The following SHC4 variants were observed in gnomAD, a reference collection of about 807,000 sequenced individuals.
The protein encoded by SHC4 is SHC-transforming protein 4.
In SHC4, 41 loss-of-function variants were observed where a neutral mutation model predicts 69.4. The ratio of observed to expected loss-of-function variants is 0.59; its 90% CI spans 0.46 to 0.77. The LOEUF is 0.77. SHC4 is among the 30% of genes least tolerant of loss of function. The pLI is 0.00. For synonymous variants in SHC4, 318 were observed against 299.3 expected, an observed-to-expected ratio of 1.06 and a Z score of -0.64; for missense variants, 777 against 783.8, an observed-to-expected ratio of 0.99 and a Z score of 0.10.
chr15:48,951,143 A>C lies in SHC4; in HGVS notation c.585+11288T>G, dbSNP rs1901358705. On this transcript the variant is annotated intron_variant, in intron 1 of 11. Transcript: ENST00000332408. ...ATAACAACAAAAATAATTTCTCCCC[A>C]GTCCTAACTATTCTATTTTTTGCTG... 3.3e-5 allele frequency among the ~76,000 whole-genome samples: 5 copies of C among 152,044 alleles called. No individual in the cohort carries two copies. In the South Asian group the frequency reaches 1.0e-3, roughly 32 times the overall value.
At chr15:48,919,295 ATTTTT>A (rs386382928) in intron 2 of SHC4, among the ~76,000 whole-genome samples, 2 of 71,246 alleles carry the variant, frequency 2.8e-5, no homozygotes, top group South Asian at 6.6e-4. Context: ...ATTTATTTTA[ATTTTT>A]TTTTTTTTTT....
intron 1 of SHC4, among the ~76,000 whole-genome samples, chr15:48,949,327 T>G (rs1341828374): frequency 6.8e-6 from 1 of 147,776 alleles, no homozygotes; most frequent in African/African-American, 2.5e-5. Flanking sequence ...GCCTAGATCA[T>G]GCCACTGCAC....
intron 1 of SHC4, among the ~76,000 whole-genome samples, chr15:48,926,835 G>T (rs1472077287): frequency 6.6e-6 from 1 of 152,178 alleles, no homozygotes; most frequent in Non-Finnish European, 1.5e-5. Flanking sequence ...GGAGCCTGGT[G>T]CTGGGAAGAG....
intron 2 of SHC4, among the ~76,000 whole-genome samples, chr15:48,919,927 C>A (rs1316275772): frequency 6.6e-6 from 1 of 151,616 alleles, no homozygotes; most frequent in Non-Finnish European, 1.5e-5. Flanking sequence ...TAACTGAATC[C>A]TCAAAGGAGA....
chr15:48,962,722 C>G lies in SHC4; in HGVS notation c.294G>C (p.Pro98=). 6.2e-7 allele frequency: 1 copy of G among 1,613,760 alleles called. No individual in the cohort carries two copies. The highest frequency in any genetic ancestry group is 8.5e-7 in the Non-Finnish European group (1 of 1,179,988). The change falls in exon 1 of 12, where the codon CCG becomes CCC. Residue 98 remains proline, a synonymous_variant. Coordinates refer to ENST00000332408, the MANE Select transcript of SHC4 (RefSeq NM_203349.4). ...AGTTTTTCAGACTCAGCAAAGTGGCCGGGTTGGCCAGCTTCATGCTTGCCA... is the reference window on the plus strand; with the variant it reads ...AGTTTTTCAGACTCAGCAAAGTGGCGGGGTTGGCCAGCTTCATGCTTGCCA... ...PRMASMKLAN[P]ATLLSLKNFC... is the part of the protein sequence containing the mutation.
chr15:48,923,563 A>G (rs898983386), intron 2 of SHC4, among the ~76,000 whole-genome samples: 2 of 150,460 alleles, frequency 1.3e-5, no homozygotes, highest in Admixed American at 1.3e-4. Context: ...AAAAAAAACA[A>G]AAAAGAAAAA....
chr15:48,911,963 C>A (rs1900516229), intron 2 of SHC4, among the ~76,000 whole-genome samples: 1 of 152,172 alleles, frequency 6.6e-6, no homozygotes, highest in Non-Finnish European at 1.5e-5. Context: ...GCTGAGAAAT[C>A]TTCTGTTAAT....
intron 2 of SHC4, among the ~76,000 whole-genome samples, chr15:48,894,539 A>T (rs2114216): frequency 0.059 from 9,050 of 152,162 alleles, 522 homozygotes; most frequent in East Asian, 0.21. Context: ...ATACTAACAG[A>T]TGTTCTTTAT....
At chr15:48,934,557 A>G (rs1901032668) in intron 1 of SHC4, among the ~76,000 whole-genome samples, 1 of 152,196 alleles carries the variant, frequency 6.6e-6, no homozygotes, top group South Asian at 2.1e-4. Context: ...ACAGTTAAAC[A>G]TAGAATTACC....
At chr15:48,935,579 T>C (rs1211744054) in intron 1 of SHC4, among the ~76,000 whole-genome samples, 2 of 152,204 alleles carry the variant, frequency 1.3e-5, no homozygotes, top group Non-Finnish European at 2.9e-5. Context: ...ATTAAAATAA[T>C]CCTGAAGTTA....
chr15:48,935,274 A>G (rs1163331620), intron 1 of SHC4, among the ~76,000 whole-genome samples: 1 of 152,138 alleles, frequency 6.6e-6, no homozygotes, highest in Non-Finnish European at 1.5e-5. Flanking sequence ...CTTGAGGTGG[A>G]GTTCATTGCT....
intron 1 of SHC4, 122 bp downstream of exon 1, chr15:48,962,309 G>T: frequency 9.5e-7 from 1 of 1,047,774 alleles, no homozygotes; most frequent in African/African-American, 1.6e-5. Flanking sequence ...CCTTGGTCCA[G>T]TTGAATCATG....
At chr15:48,837,980 A>T (rs1188197798) in intron 10 of SHC4, among the ~76,000 whole-genome samples, 1 of 152,202 alleles carries the variant, frequency 6.6e-6, no homozygotes, top group East Asian at 1.9e-4. Flanking sequence ...GATGAATCCC[A>T]TTTTTTAAAA....
Position 48,884,344 on chromosome 15 carries a change from T to C in SHC4, c.744A>G (p.Thr248=). 2 of 1,607,326 alleles carry C rather than the reference T, an allele frequency of 1.2e-6. No homozygotes were observed. The highest frequency in any genetic ancestry group is 1.7e-6 in the Non-Finnish European group (2 of 1,177,910). ...ACTGAAGATTACTTTTGCCAAGGAC[T>C]GTTGATAGGAACTTAACTGGAGGCT... is the stretch of plus-strand genomic sequence containing the variant. ...KRKPPVKFLS[T]VLGKSNLQFS... The change falls in exon 4 of 12, where the codon ACA becomes ACG. Residue 248 remains threonine (T), a synonymous_variant. Transcript: ENST00000332408.
intron 2 of SHC4, among the ~76,000 whole-genome samples, chr15:48,895,103 C>A (rs1900202375): frequency 6.6e-6 from 1 of 152,102 alleles, no homozygotes; most frequent in Non-Finnish European, 1.5e-5. Context: ...CAGCTCCTGG[C>A]CAGCCCCTAT....
At chr15:48,930,817 A>AT (rs572369449) in intron 1 of SHC4, among the ~76,000 whole-genome samples, 196 of 152,310 alleles carry the variant, frequency 1.3e-3, no homozygotes, top group Non-Finnish European at 2.0e-3. Flanking sequence ...AGTCTTTCCC[A>AT]TTTAAAAAAA....
chr15:48,894,367 G>A (rs17383462), intron 2 of SHC4, among the ~76,000 whole-genome samples: 23,953 of 152,084 alleles, frequency 0.16, 2,160 homozygotes, highest in East Asian at 0.28. Flanking sequence ...GCACTTGATC[G>A]GATAAGTAAT....
intron 9 of SHC4, among the ~76,000 whole-genome samples, chr15:48,846,861 C>T (rs766902158): frequency 1.5e-4 from 23 of 152,102 alleles, no homozygotes; most frequent in Non-Finnish European, 2.8e-4. Flanking sequence ...CGCATCTGCC[C>T]CTCACAAAGC....
intron 1 of SHC4, 24 bp downstream of exon 1, chr15:48,962,407 G>T: frequency 6.6e-7 from 1 of 1,512,248 alleles, no homozygotes; most frequent in Non-Finnish European, 8.8e-7. Context: ...AGTTCTTAGA[G>T]GGCAGAGAGG....
Sources: gnomAD v4.1 joint callset for allele counts (sites outside exome capture counted in the v4.1 genomes callset) on GRCh38, gnomAD v4.1.1 for gene constraint, MANE v1.5 for transcripts, NCBI Gene and HGNC (gene_info 2026-07-23, HGNC 2026-07-21) for gene names.